Variants in ADAMTS12 observed in about 807,000 individuals in gnomAD.
ADAMTS12 encodes the protein ADAM metallopeptidase with thrombospondin type 1 motif 12.
Under a neutral mutation model 167.8 loss-of-function variants are expected in ADAMTS12, and 118 were observed. That is an observed-to-expected ratio of 0.70 (90% CI 0.61 to 0.82). The LOEUF is 0.82. Among genes scored for constraint, ADAMTS12 ranks in the 40% least tolerant of loss-of-function variants. The probability of loss-of-function intolerance (pLI) is 0.00; values close to 1 mark genes in which losing one functional copy is unlikely to be tolerated. For synonymous variants in ADAMTS12, 704 were observed against 716.9 expected (o/e 0.98, Z 0.29); for missense variants, 1,916 against 1,998.8 (o/e 0.96, Z 0.79).
intron 2 of ADAMTS12, among the ~76,000 whole-genome samples, chr5:33,848,709 C>T (rs1390334276): frequency 6.6e-6 from 1 of 152,158 alleles, no homozygotes; most frequent in African/African-American, 2.4e-5. Flanking sequence ...AAGCAGGCTT[C>T]TATTCTTAGC....
intron 2 of ADAMTS12, among the ~76,000 whole-genome samples, chr5:33,868,034 T>C (rs1749889932): frequency 6.6e-6 from 1 of 152,166 alleles, no homozygotes; most frequent in Non-Finnish European, 1.5e-5. Context: ...GGCCGTGTAA[T>C]ATATGCCTCC....
Position 33,576,603 on chromosome 5 carries a change from A to G in ADAMTS12, c.3423T>C (p.Thr1141=), listed in dbSNP as rs755783279. The change falls in exon 19 of 24, where the codon ACT becomes ACC. Residue 1141 remains threonine, a synonymous_variant. Coordinates refer to ENST00000504830, the MANE Select transcript of ADAMTS12 (RefSeq NM_030955.4). ...SSRNPITWPV[T]PFYNTLTKGP... Reference sequence around the variant, plus strand: ...CTTTGGTCAAGGTATTGTAAAATGGAGTCACAGGCCAAGTGATAGGGTTGC... The same window carrying G: ...CTTTGGTCAAGGTATTGTAAAATGGGGTCACAGGCCAAGTGATAGGGTTGC... The G allele has an allele frequency of 2.5e-6, 4 of 1,614,094 alleles. No homozygotes were observed. The highest frequency in any genetic ancestry group is 2.2e-5 in the East Asian group (1 of 44,894).
chr5:33,641,762 G>C, intron 11 of ADAMTS12, 48 bp downstream of exon 11: 1 of 1,480,696 alleles, frequency 6.8e-7, no homozygotes, highest in Non-Finnish European at 9.1e-7. Flanking sequence ...CCCCCATCCC[G>C]CCCCCAGCAC....
At chr5:33,612,559 A>T (rs1738780319) in intron 16 of ADAMTS12, among the ~76,000 whole-genome samples, 1 of 152,218 alleles carries the variant, frequency 6.6e-6, no homozygotes, top group Non-Finnish European at 1.5e-5. Flanking sequence ...CAAATGACTT[A>T]GAGCTTAAAC....
intron 3 of ADAMTS12, among the ~76,000 whole-genome samples, chr5:33,717,852 A>T (rs1393854167): frequency 6.6e-6 from 1 of 152,242 alleles, no homozygotes; most frequent in Non-Finnish European, 1.5e-5. Flanking sequence ...AGTCAATGTG[A>T]AGAATTTGCA....
At chr5:33,692,486 C>T (rs10472889) in intron 3 of ADAMTS12, among the ~76,000 whole-genome samples, 34,141 of 152,044 alleles carry the variant, frequency 0.22, 4,011 homozygotes, top group East Asian at 0.42. Flanking sequence ...GTCTGTTTTG[C>T]TCACTCCTTT....
chr5:33,875,339 G>C (rs1750189387), intron 2 of ADAMTS12, among the ~76,000 whole-genome samples: 1 of 152,138 alleles, frequency 6.6e-6, no homozygotes, highest in African/African-American at 2.4e-5. Flanking sequence ...AGGTGATAAT[G>C]ATGTGTCAAC....
intron 13 of ADAMTS12, among the ~76,000 whole-genome samples, chr5:33,627,123 G>T (rs921244162): frequency 1.3e-5 from 2 of 149,092 alleles, no homozygotes; most frequent in African/African-American, 4.9e-5. Context: ...GGTGGTGGTG[G>T]TGGTGATGTG....
intron 2 of ADAMTS12, among the ~76,000 whole-genome samples, chr5:33,809,164 A>G (rs2112483927): frequency 6.6e-6 from 1 of 152,294 alleles, no homozygotes; most frequent in Non-Finnish European, 1.5e-5. Context: ...TCAAACTGTA[A>G]TGAGCATTTA....
At chr5:33,628,646 T>C (rs1369660629) in intron 13 of ADAMTS12, among the ~76,000 whole-genome samples, 1 of 152,200 alleles carries the variant, frequency 6.6e-6, no homozygotes, top group Non-Finnish European at 1.5e-5. Flanking sequence ...TGAAAGCATA[T>C]ACTTTTATGT....
chr5:33,654,145 A>G (rs954389675), intron 7 of ADAMTS12, among the ~76,000 whole-genome samples: 1 of 152,066 alleles, frequency 6.6e-6, no homozygotes, highest in East Asian at 1.9e-4. Context: ...TTTCAGTTCT[A>G]CATGTTTGAC....
At chr5:33,643,005 T>G (rs201400676) in intron 10 of ADAMTS12, among the ~76,000 whole-genome samples, 2 of 100,860 alleles carry the variant, frequency 2.0e-5, no homozygotes, top group Non-Finnish European at 4.9e-5. Flanking sequence ...CCTGCATTTT[T>G]GGGAAAAGAA....
rs1741277719 is a variant in ADAMTS12 at position 33,662,025 on chromosome 5, C to A, written c.931G>T (p.Val311Phe). 1 of 1,610,934 alleles carries A rather than the reference C, an allele frequency of 6.2e-7. No homozygotes were observed. The highest frequency in any genetic ancestry group is 8.5e-7 in the Non-Finnish European group (1 of 1,179,538). ...LEEEEQGLKI[V>F]HHAEKTLSSF... ...GACAGTGTCTTTTCTGCATGGTGAA[C>A]TATTTTCAGTCCTTGCTGGAGAAAG... Residue 311 changes from valine (V) to phenylalanine (F), a missense_variant, in exon 6 of 24, where the codon GTT (valine) becomes TTT (phenylalanine). Coordinates refer to ENST00000504830, the MANE Select transcript of ADAMTS12 (RefSeq NM_030955.4).
Position 33,670,849 on chromosome 5 carries a change from C to T in ADAMTS12, c.916-8809G>A, listed in dbSNP as rs142787106. ...CCAGAGAAACGAGGACTTATGTTCA[C>T]ACAAAAACCTGTAGTTGAACATCTA... On this transcript the variant is annotated intron_variant, in intron 5 of 23. Transcript: ENST00000504830. Among the ~76,000 whole-genome samples the T allele has an allele frequency of 2.6e-5, 4 of 152,258 alleles. No individual in the cohort carries two copies. In the East Asian group the frequency reaches 7.7e-4, roughly 29 times the overall value.
In ADAMTS12 at chr5:33,801,582, C is replaced by T. The variant is rs559699955; in HGVS notation, c.490-50034G>A. On this transcript the variant is annotated intron_variant, in intron 2 of 23. Transcript: ENST00000504830. ...TTATTAGGCAGATCTCTTTTCTTCT[C>T]ACTGTGGTTTGGTGTCCTTTCAGAA... Among the ~76,000 whole-genome samples, 15 of 152,314 alleles carry T rather than the reference C, an allele frequency of 9.8e-5. No individual in the cohort carries two copies. In the South Asian group the frequency reaches 1.9e-3, roughly 19 times the overall value.
Position 33,881,107 on chromosome 5 carries a change from G to C in ADAMTS12, c.489+12C>G. 1 of 1,610,632 alleles carries C rather than the reference G, an allele frequency of 6.2e-7. No homozygotes were observed. Reference sequence around the variant, plus strand: ...CAGGGCAGAGGAAGGAGATGCCAGAGCCCACACTCACCAGTCCATGGCAGG... The same window carrying C: ...CAGGGCAGAGGAAGGAGATGCCAGACCCCACACTCACCAGTCCATGGCAGG... On this transcript the variant is annotated intron_variant, in intron 2 of 23. Transcript: ENST00000504830.
intron 3 of ADAMTS12, among the ~76,000 whole-genome samples, chr5:33,738,492 C>G (rs1252852379): frequency 2.6e-5 from 4 of 152,180 alleles, no homozygotes; most frequent in Non-Finnish European, 5.9e-5. Context: ...AGTTCTGAAG[C>G]CCCATGAAGA....
intron 20 of ADAMTS12, among the ~76,000 whole-genome samples, chr5:33,554,450 C>T (rs1354901429): frequency 6.6e-6 from 1 of 152,144 alleles, no homozygotes; most frequent in Non-Finnish European, 1.5e-5. Context: ...TCTTGAGAAT[C>T]TCTTAATCTG....
intron 3 of ADAMTS12, among the ~76,000 whole-genome samples, chr5:33,738,145 G>T (rs1390543110): frequency 6.6e-6 from 1 of 152,148 alleles, no homozygotes; most frequent in Non-Finnish European, 1.5e-5. Context: ...GGCACTAGTG[G>T]AAAGTGTGTG....
Sources: gnomAD v4.1 joint callset for allele counts (sites outside exome capture counted in the v4.1 genomes callset) on GRCh38, gnomAD v4.1.1 for gene constraint, MANE v1.5 for transcripts, NCBI Gene and HGNC (gene_info 2026-07-23, HGNC 2026-07-21) for gene names.